Variants in ANKS1B observed in about 807,000 individuals in gnomAD.
ANKS1B encodes ankyrin repeat and sterile alpha motif domain containing 1B, also known as ankyrin repeat and sterile alpha motif domain-containing protein 1B.
Under a neutral mutation model 148.3 loss-of-function variants are expected in ANKS1B, and 36 were observed. The ratio of observed to expected loss-of-function variants is 0.24; its 90% CI spans 0.19 to 0.32. ANKS1B has a LOEUF of 0.32. Ranked by LOEUF, ANKS1B falls within the 10% of genes least tolerant of loss-of-function variation. ANKS1B has a pLI of 1.00. For missense variants in ANKS1B, 1,157 were observed against 1,542.6 expected (o/e 0.75, Z 4.19); for synonymous variants, 542 against 560.8 (o/e 0.97, Z 0.47).
At chr12:99,601,248 C>T (rs780670074) in intron 9 of ANKS1B, among the ~76,000 whole-genome samples, 14 of 151,966 alleles carry the variant, frequency 9.2e-5, no homozygotes, top group Non-Finnish European at 1.9e-4. Context: ...TTTATTTCTG[C>T]CTACGAAGAT....
At chr12:99,103,384 C>T (rs1338792793) in intron 15 of ANKS1B, among the ~76,000 whole-genome samples, 1 of 152,174 alleles carries the variant, frequency 6.6e-6, no homozygotes, top group Non-Finnish European at 1.5e-5. Context: ...CCATCATGAA[C>T]TCCTTCGACA....
At chr12:99,014,273 A>G (rs139458246) in intron 17 of ANKS1B, among the ~76,000 whole-genome samples, 3,946 of 152,312 alleles carry the variant, frequency 0.026, 59 homozygotes, top group Non-Finnish European at 0.041. Flanking sequence ...ACAATGGGGA[A>G]AGGATTCCCT....
At position 99,922,388 on chromosome 12, in the gene ANKS1B, T is replaced by A. The variant is rs146687208; in HGVS notation, c.134+61716A>T. 1.6e-3 allele frequency among the ~76,000 whole-genome samples: 250 copies of A among 152,186 alleles called. 9 individuals are homozygous for A. The East Asian group carries it at 0.04, about 25-fold the overall frequency. On this transcript the variant is annotated intron_variant, in intron 1 of 26. Transcript: ENST00000683438. ...TTTTTGCAAGACTCAATAAATATGG[T>A]TTTATAGCACTAAACACTTCTAACA...
At chr12:98,872,904 A>G (rs2099675479) in intron 17 of ANKS1B, among the ~76,000 whole-genome samples, 3 of 152,176 alleles carry the variant, frequency 2.0e-5, no homozygotes, top group Admixed American at 2.0e-4. Context: ...TTCTTCCTCC[A>G]GCCTCTGTGC....
intron 1 of ANKS1B, among the ~76,000 whole-genome samples, chr12:99,930,657 CAG>C (rs1418936108): frequency 6.6e-6 from 1 of 152,148 alleles, no homozygotes. Flanking sequence ...CATCTCACAC[CAG>C]TTAGAATGGC....
At chr12:98,761,268 G>A (rs1162160817) in intron 25 of ANKS1B, among the ~76,000 whole-genome samples, 2 of 152,202 alleles carry the variant, frequency 1.3e-5, no homozygotes, top group Admixed American at 1.3e-4. Context: ...TTGTGTTTTG[G>A]AGATTCACTG....
intron 12 of ANKS1B, among the ~76,000 whole-genome samples, chr12:99,273,551 C>T (rs1174628442): frequency 6.8e-6 from 1 of 147,694 alleles, no homozygotes; most frequent in East Asian, 2.0e-4. Flanking sequence ...AAAACATTAT[C>T]AGATTCTTTT....
chr12:99,033,280 T>A (rs1362635869), intron 17 of ANKS1B, among the ~76,000 whole-genome samples: 4 of 152,176 alleles, frequency 2.6e-5, no homozygotes, highest in Non-Finnish European at 4.4e-5. Flanking sequence ...TCAACACCAT[T>A]TATTTATTCA....
At chr12:99,120,534 G>A (rs2062521913) in intron 15 of ANKS1B, among the ~76,000 whole-genome samples, 1 of 152,144 alleles carries the variant, frequency 6.6e-6, no homozygotes, top group Admixed American at 6.5e-5. Context: ...TTATATGCAA[G>A]GCATTGGTTT....
rs182751234 is a variant in ANKS1B, at chr12:99,604,093, C to T, written c.1272+50974G>A. 6.9e-4 allele frequency among the ~76,000 whole-genome samples: 105 copies of T among 152,170 alleles called. 3 individuals carry two copies. The highest frequency in any genetic ancestry group is 2.4e-3 in the Admixed American group (36 of 15,266). ...AAGATCATCAGAATAAAGCAATTAACTATAGACAAGACTTAAAATGATCAT... is the reference window on the plus strand; with the variant it reads ...AAGATCATCAGAATAAAGCAATTAATTATAGACAAGACTTAAAATGATCAT... On this transcript the variant is annotated intron_variant, in intron 9 of 26. Coordinates refer to ENST00000683438, the MANE Select transcript of ANKS1B (RefSeq NM_001352186.2).
intron 2 of ANKS1B, among the ~76,000 whole-genome samples, chr12:99,819,840 A>G (rs2082300568): frequency 6.6e-6 from 1 of 151,618 alleles, no homozygotes; most frequent in Admixed American, 6.6e-5. Context: ...AGGAAAAGTA[A>G]AGGAAAAAGG....
chr12:99,580,375 A>C (rs893138924), intron 9 of ANKS1B, among the ~76,000 whole-genome samples: 2 of 152,230 alleles, frequency 1.3e-5, no homozygotes, highest in African/African-American at 4.8e-5. Flanking sequence ...TTAAAAATTA[A>C]AATTAATAAA....
At chr12:99,841,491 G>A (rs1256765475) in intron 1 of ANKS1B, among the ~76,000 whole-genome samples, 1 of 151,778 alleles carries the variant, frequency 6.6e-6, no homozygotes, top group Non-Finnish European at 1.5e-5. Context: ...TTTTATTTCA[G>A]TTTTGGAAGC....
chr12:99,816,098 C>T (rs1325215686), intron 2 of ANKS1B, among the ~76,000 whole-genome samples: 1 of 151,876 alleles, frequency 6.6e-6, no homozygotes, highest in Non-Finnish European at 1.5e-5. Flanking sequence ...TACAGTCCCA[C>T]CAGCAGCGTA....
intron 15 of ANKS1B, among the ~76,000 whole-genome samples, chr12:99,088,713 G>C (rs949809887): frequency 1.3e-5 from 2 of 151,820 alleles, no homozygotes; most frequent in African/African-American, 4.8e-5. Context: ...CCATTTCTTT[G>C]GCACCTGGGT....
chr12:99,666,857 G>GGTGCGT (rs2098509959), intron 8 of ANKS1B, among the ~76,000 whole-genome samples: 3 of 132,536 alleles, frequency 2.3e-5, no homozygotes, highest in African/African-American at 8.2e-5. Flanking sequence ...GTTACTATGG[G>GGTGCGT]GTGTGTGTGT....
chr12:99,357,531 A>G (rs576208937), intron 12 of ANKS1B, among the ~76,000 whole-genome samples: 1 of 152,294 alleles, frequency 6.6e-6, no homozygotes, highest in African/African-American at 2.4e-5. Flanking sequence ...TAAGTTTAAT[A>G]TACAGAAAGC....
chr12:99,324,225 C>A (rs1319229581), intron 12 of ANKS1B, among the ~76,000 whole-genome samples: 1 of 152,156 alleles, frequency 6.6e-6, no homozygotes, highest in Non-Finnish European at 1.5e-5. Context: ...TTGCTGGGTG[C>A]CATGTGCTGT....
chr12:99,965,234 C>T (rs1408347480), intron 1 of ANKS1B, among the ~76,000 whole-genome samples: 2 of 151,794 alleles, frequency 1.3e-5, no homozygotes, highest in African/African-American at 4.8e-5. Flanking sequence ...TTTTATGATG[C>T]CAAAAGCAAG....
Sources: gnomAD v4.1 joint callset for allele counts (sites outside exome capture counted in the v4.1 genomes callset) on GRCh38, gnomAD v4.1.1 for gene constraint, MANE v1.5 for transcripts, NCBI Gene and HGNC (gene_info 2026-07-23, HGNC 2026-07-21) for gene names.